Variants in FN1 observed in about 807,000 individuals in gnomAD.
FN1 encodes fibronectin 1.
A neutral mutation model predicts 297.3 loss-of-function variants in FN1; 106 were observed. The ratio of observed to expected loss-of-function variants is 0.36; its 90% confidence interval spans 0.30 to 0.42. The LOEUF is 0.42. Ranked by LOEUF, FN1 falls within the 10% of genes least tolerant of loss-of-function variation. FN1 has a pLI of 1.00. For synonymous variants in FN1, 1,149 were observed against 1,152.6 expected, an observed-to-expected ratio of 1.00 and a Z score of 0.06; for missense variants, 2,690 against 3,124.9, an observed-to-expected ratio of 0.86 and a Z score of 3.32.
chr2:215,435,438 G>A (rs533553482), intron 1 of FN1, among the ~76,000 whole-genome samples: 1 of 152,182 alleles, frequency 6.6e-6, no homozygotes, highest in Non-Finnish European at 1.5e-5. Flanking sequence ...CGGGAAAGTC[G>A]CAGAGTCCTC....
At chr2:215,380,382 T>C (rs2058040514) in intron 33 of FN1, 3 of 203,454 alleles carry the variant, frequency 1.5e-5, no homozygotes, top group Non-Finnish European at 3.0e-5. Flanking sequence ...GCATATGATA[T>C]CTAACCAGAG....
At chr2:215,403,050 C>T (rs1273685251) in intron 20 of FN1, among the ~76,000 whole-genome samples, 3 of 151,994 alleles carry the variant, frequency 2.0e-5, no homozygotes, top group East Asian at 1.9e-4. Flanking sequence ...ACTGAAAGGG[C>T]GCATTCACTG....
At chr2:215,426,396 C>T (rs969093915) in intron 6 of FN1, among the ~76,000 whole-genome samples, 3 of 152,142 alleles carry the variant, frequency 2.0e-5, no homozygotes, top group Admixed American at 6.5e-5. Flanking sequence ...GATCCACCCG[C>T]CTTGGCCTCC....
Position 215,422,214 on chromosome 2 carries a change from C to T in FN1, c.1423G>A (p.Gly475Arg). ...TGATCTCCAATGCGGTACATGACCC[C>T]TTCATTGGTTGTGCAGATTTCCTCG... ...AHEEICTTNEGVMYRIGDQWD... is the reference protein window; with the variant it reads ...AHEEICTTNERVMYRIGDQWD... The change falls in exon 10 of 46, where the codon GGG (glycine) becomes AGG (arginine). Residue 475 changes from glycine (G) to arginine (R), a missense_variant. This residue lies in a region of FN1 where 876 missense variants were observed against 1,058.1 expected (regional missense o/e 0.83). Coordinates refer to ENST00000354785, the MANE Select transcript of FN1 (RefSeq NM_212482.4). 1.9e-6 allele frequency: 3 copies of T among 1,614,136 alleles called. No homozygotes were observed. The highest frequency in any genetic ancestry group is 2.5e-6 in the Non-Finnish European group (3 of 1,179,976).
chr2:215,435,576 A>C, intron 1 of FN1, 79 bp downstream of exon 1: 1 of 1,593,912 alleles, frequency 6.3e-7, no homozygotes. Context: ...GCGCGCGCAC[A>C]AAACTTCAGC....
chr2:215,394,092 C>T (rs939476769), intron 24 of FN1, among the ~76,000 whole-genome samples: 15 of 152,180 alleles, frequency 9.9e-5, no homozygotes, highest in African/African-American at 3.6e-4. Flanking sequence ...TTTCAGTGCT[C>T]ACATACAGGG....
intron 6 of FN1, among the ~76,000 whole-genome samples, chr2:215,427,536 G>A (rs769671891): frequency 6.6e-6 from 1 of 152,098 alleles, no homozygotes; most frequent in African/African-American, 2.4e-5. Context: ...AGAATGCTTA[G>A]ATATCATGTC....
At chr2:215,386,989 A>T (rs754441247) in intron 27 of FN1, 31 bp from the exon 28 acceptor site, 6 of 1,585,274 alleles carry the variant, frequency 3.8e-6, no homozygotes, top group Non-Finnish European at 5.1e-6. Flanking sequence ...AGGAAGAGAA[A>T]AAAAAAAGAA....
In FN1 at chr2:215,435,759, T is replaced by A. The variant is rs1250259; in HGVS notation, c.44A>T (p.Gln15Leu). The A allele has an allele frequency of 0.75, 1,190,019 of 1,594,386 alleles. 447,205 individuals are homozygous for A. Among genetic ancestry groups the A allele is most frequent in the East Asian group, 0.93 (41,204 of 44,288 alleles). ...PGPGLLLLAVQCLGTAVPSTG... is the reference protein window; with the variant it reads ...PGPGLLLLAVLCLGTAVPSTG... ...GGAGGGCACCGCTGTCCCCAGGCAC[T>A]GGACGGCCAGCAGCAGCAGCCCGGG... The change falls in exon 1 of 46, where the codon CAG becomes CTG. Residue 15 changes from glutamine (Q) to leucine (L), a missense_variant. By Grantham distance (113) the Gln-to-Leu change is moderately radical. Around this residue, in one of 3 missense-constraint regions of FN1, gnomAD observed 876 missense variants for 1,058.1 expected, o/e 0.83. Coordinates refer to ENST00000354785, the MANE Select transcript of FN1 (RefSeq NM_212482.4).
intron 13 of FN1, 39 bp from the exon 14 acceptor site, chr2:215,410,153 G>T: frequency 8.6e-7 from 1 of 1,163,922 alleles, no homozygotes. Context: ...ACACACACAC[G>T]TGTTTACAAG....
In FN1 at chr2:215,435,907, G is replaced by A. The variant is rs1373501130; in HGVS notation, c.-105C>T. The A allele has an allele frequency of 1.4e-6, 2 of 1,460,434 alleles. No individual in the cohort carries two copies. Among genetic ancestry groups the A allele is most frequent in the Admixed American group, 2.3e-5 (1 of 43,134 alleles). 90.5% of individuals were successfully genotyped at this position (1,460,434 alleles called of 1,614,324 possible). ...AAATCCCTTCTAATGCCTCCCGGGG[G>A]TTGTCGCCTCCAAGAAGGTGGGGGC... On this transcript the variant is annotated 5_prime_UTR_variant, in exon 1 of 46. Transcript: ENST00000354785.
At chr2:215,435,182 A>G (rs2067244507) in intron 1 of FN1, among the ~76,000 whole-genome samples, 1 of 152,198 alleles carries the variant, frequency 6.6e-6, no homozygotes, top group African/African-American at 2.4e-5. Flanking sequence ...GAGCGGCCCT[A>G]AAGAGGTCTG....
At chr2:215,401,149 C>A (rs1575566415) in intron 20 of FN1, among the ~76,000 whole-genome samples, 3 of 119,736 alleles carry the variant, frequency 2.5e-5, no homozygotes, top group African/African-American at 6.5e-5. Context: ...GGTTTTAGCA[C>A]CAAAAATAAG....
intron 32 of FN1, 106 bp from the exon 33 acceptor site, chr2:215,381,186 G>T: frequency 8.9e-7 from 1 of 1,120,610 alleles, no homozygotes; most frequent in Non-Finnish European, 1.3e-6. Context: ...CTTTGATGAA[G>T]TCCAATTAAC....
Position 215,407,241 on chromosome 2 carries a change from G to C in FN1, c.2599C>G (p.Leu867Val), listed in dbSNP as rs2061889453. 6.2e-7 allele frequency: 1 copy of C among 1,613,718 alleles called. No individual in the cohort carries two copies. The highest frequency in any genetic ancestry group is 8.5e-7 in the Non-Finnish European group (1 of 1,179,716). The stretch of plus-strand genomic sequence containing the variant: ...TGAACACCAGGTTGCAAGTCACTGA[G>C]GGTGACGGAGTTTGCAGTTTCAGGA... ...NLPETANSVT[L>V]SDLQPGVQYN... The change falls in exon 18 of 46, where the codon CTC (leucine) becomes GTC (valine). Residue 867 changes from leucine to valine, a missense_variant. Physicochemically the swap from Leu to Val is conservative, Grantham distance 32 (BLOSUM62 1). Coordinates refer to ENST00000354785, the MANE Select transcript of FN1 (RefSeq NM_212482.4).
intron 11 of FN1, 129 bp downstream of exon 11, chr2:215,420,544 G>C: frequency 8.4e-7 from 1 of 1,196,324 alleles, no homozygotes; most frequent in Admixed American, 1.8e-5. Flanking sequence ...ACTTTGCAAA[G>C]TTCTTTGCAA....
chr2:215,420,440 A>G (rs1180115207), intron 11 of FN1, among the ~76,000 whole-genome samples: 1 of 152,220 alleles, frequency 6.6e-6, no homozygotes, highest in Non-Finnish European at 1.5e-5. Context: ...AATAAATTCC[A>G]TTCAATTAAA....
At position 215,436,009 on chromosome 2, in the gene FN1, T is replaced by C; in HGVS notation, c.-207A>G. Reference sequence around the variant, plus strand: ...AGAGAAGTTGTGGCTGCAGGTCCCCTCTTCCCGCTCGCGCCTGGGGTTCCC... The same window carrying C: ...AGAGAAGTTGTGGCTGCAGGTCCCCCCTTCCCGCTCGCGCCTGGGGTTCCC... On this transcript the variant is annotated 5_prime_UTR_variant, in exon 1 of 46. Transcript: ENST00000354785. The C allele has an allele frequency of 8.7e-7, 1 of 1,147,980 alleles. No individual in the cohort carries two copies. The highest frequency in any genetic ancestry group is 1.2e-6 in the Non-Finnish European group (1 of 843,982). 71.1% of individuals were successfully genotyped at this position (1,147,980 alleles called of 1,614,324 possible). A position where few individuals can be genotyped will look rare whatever the true frequency, so the allele number is the denominator to read the frequency against.
chr2:215,364,785 G>T, intron 44 of FN1, 94 bp downstream of exon 44: 1 of 812,332 alleles, frequency 1.2e-6, no homozygotes, highest in Non-Finnish European at 2.1e-6. Flanking sequence ...ACTTCCGAAG[G>T]GTCTCTGCCC....
Sources: gnomAD v4.1 joint callset for allele counts (sites outside exome capture counted in the v4.1 genomes callset) on GRCh38, gnomAD v4.1.1 for gene constraint, gnomAD v4.1.1 regional missense constraint, MANE v1.5 for transcripts, NCBI Gene and HGNC (gene_info 2026-07-23, HGNC 2026-07-21) for gene names.